The following SORCS3 variants were observed in gnomAD, a reference collection of about 807,000 sequenced individuals.
SORCS3 encodes VPS10 domain-containing receptor SorCS3.
In SORCS3, 57 loss-of-function variants were observed where a neutral mutation model predicts 146.3. The ratio of observed to expected loss-of-function variants is 0.39; its 90% confidence interval spans 0.31 to 0.49. The LOEUF is 0.49. SORCS3 is among the 20% of genes least tolerant of loss of function. The pLI, the probability that SORCS3 is intolerant of heterozygous loss-of-function variation, is 0.92. For synonymous variants in SORCS3, 653 were observed against 618.5 expected, an observed-to-expected ratio of 1.06 and a Z score of -0.83; for missense variants, 1,341 against 1,575.5, an observed-to-expected ratio of 0.85 and a Z score of 2.52.
chr10:105,026,743 C>T (rs900942623), intron 4 of SORCS3, among the ~76,000 whole-genome samples: 4 of 152,082 alleles, frequency 2.6e-5, no homozygotes, highest in Middle Eastern at 3.2e-3. Context: ...AACCAAATAC[C>T]ACGTGTTCTC....
At chr10:105,046,419 A>T (rs968417220) in intron 5 of SORCS3, among the ~76,000 whole-genome samples, 3 of 152,056 alleles carry the variant, frequency 2.0e-5, no homozygotes. Flanking sequence ...GGCAAGTAGC[A>T]GCTTAGAGGG....
At chr10:104,822,532 C>T (rs892241785) in intron 1 of SORCS3, among the ~76,000 whole-genome samples, 9 of 152,158 alleles carry the variant, frequency 5.9e-5, no homozygotes, top group East Asian at 1.9e-4. Flanking sequence ...CACCATCAGC[C>T]GCTGGAGGTT....
At chr10:105,199,790 T>C (rs1221044635) in intron 14 of SORCS3, among the ~76,000 whole-genome samples, 1 of 152,196 alleles carries the variant, frequency 6.6e-6, no homozygotes, top group Non-Finnish European at 1.5e-5. Context: ...AAATGGTTGA[T>C]TTAAAACCCA....
At chr10:105,255,186 C>CAAA (rs35150065) in intron 23 of SORCS3, among the ~76,000 whole-genome samples, 775 of 32,584 alleles carry the variant, frequency 0.024, 36 homozygotes, top group Non-Finnish European at 0.035. Flanking sequence ...GACTCAGTCT[C>CAAA]AAAAAAAAAA....
intron 1 of SORCS3, among the ~76,000 whole-genome samples, chr10:104,687,458 C>T (rs540787211): frequency 6.6e-6 from 1 of 152,290 alleles, no homozygotes; most frequent in East Asian, 1.9e-4. Context: ...AATGAGACAA[C>T]CCCACATTCA....
chr10:105,009,527 CAAA>C (rs35368294), intron 4 of SORCS3, among the ~76,000 whole-genome samples: 40,216 of 108,600 alleles, frequency 0.37, 7,616 homozygotes, highest in African/African-American at 0.57. Context: ...AACAAACAAA[CAAA>C]AAAAAAAAAA....
At chr10:104,789,759 A>G (rs2133499142) in intron 1 of SORCS3, among the ~76,000 whole-genome samples, 1 of 152,330 alleles carries the variant, frequency 6.6e-6, no homozygotes, top group Admixed American at 6.5e-5. Flanking sequence ...GTGTAGCTGT[A>G]TGTGGGGATG....
At chr10:105,076,392 C>T (rs1323327384) in intron 5 of SORCS3, among the ~76,000 whole-genome samples, 1 of 152,134 alleles carries the variant, frequency 6.6e-6, no homozygotes, top group Non-Finnish European at 1.5e-5. Context: ...AATTGCAGGG[C>T]GGTGAGATTT....
intron 3 of SORCS3, among the ~76,000 whole-genome samples, chr10:104,959,422 A>C (rs1243327428): frequency 6.6e-6 from 1 of 152,140 alleles, no homozygotes; most frequent in African/African-American, 2.4e-5. Flanking sequence ...TCCTCATTAC[A>C]TCACATGAGG....
intron 1 of SORCS3, among the ~76,000 whole-genome samples, chr10:104,701,299 A>G (rs745929774): frequency 9.9e-5 from 15 of 152,236 alleles, no homozygotes; most frequent in Non-Finnish European, 2.1e-4. Flanking sequence ...GATTTTCTCC[A>G]TTTGGCTGAT....
At chr10:105,158,110 G>C (rs1422859932) in intron 10 of SORCS3, among the ~76,000 whole-genome samples, 1 of 152,024 alleles carries the variant, frequency 6.6e-6, no homozygotes, top group African/African-American at 2.4e-5. Flanking sequence ...TACTAGGAGG[G>C]TCAGAGAGAA....
At chr10:105,142,520 G>A (rs1418872) in intron 8 of SORCS3, among the ~76,000 whole-genome samples, 44,273 of 151,974 alleles carry the variant, frequency 0.29, 6,637 homozygotes, top group Middle Eastern at 0.35. Context: ...CTTTCCTCAA[G>A]CCCCTGAACT....
intron 1 of SORCS3, among the ~76,000 whole-genome samples, chr10:104,698,851 G>C (rs1280365464): frequency 6.6e-6 from 1 of 152,090 alleles, no homozygotes; most frequent in Non-Finnish European, 1.5e-5. Flanking sequence ...GGATTTTGGG[G>C]AAAGTAGGGT....
chr10:104,700,492 T>C (rs75158716), intron 1 of SORCS3, among the ~76,000 whole-genome samples: 2,170 of 152,306 alleles, frequency 0.014, 46 homozygotes, highest in African/African-American at 0.045. Flanking sequence ...CCTTTCTTCA[T>C]TTTATCCCTG....
chr10:104,867,069 A>G (rs1203574038), intron 2 of SORCS3, among the ~76,000 whole-genome samples: 3 of 152,158 alleles, frequency 2.0e-5, no homozygotes, highest in African/African-American at 7.2e-5. Context: ...AAGATAGACC[A>G]TGTCTCTGCT....
chr10:104,883,188 A>G (rs2018647670), intron 2 of SORCS3, among the ~76,000 whole-genome samples: 1 of 152,196 alleles, frequency 6.6e-6, no homozygotes, highest in Non-Finnish European at 1.5e-5. Context: ...AGTGGATTTG[A>G]CAGCAGAGGT....
At chr10:104,740,345 A>G (rs529129861) in intron 1 of SORCS3, among the ~76,000 whole-genome samples, 2 of 152,322 alleles carry the variant, frequency 1.3e-5, no homozygotes, top group Middle Eastern at 6.8e-3. Flanking sequence ...AAAAGTAGGA[A>G]GTTATCTGGA....
At chr10:105,251,117 G>A (rs1416809043) in intron 22 of SORCS3, among the ~76,000 whole-genome samples, 1 of 152,158 alleles carries the variant, frequency 6.6e-6, no homozygotes, top group Non-Finnish European at 1.5e-5. Flanking sequence ...ACCCGAAACT[G>A]GGTAATTTAT....
chr10:105,231,950 G>A (rs1488789376), intron 20 of SORCS3, among the ~76,000 whole-genome samples: 1 of 151,992 alleles, frequency 6.6e-6, no homozygotes, highest in African/African-American at 2.4e-5. Context: ...GAGAATTATT[G>A]ATCTTTAGTT....
Sources: allele counts gnomAD v4.1 joint callset (sites outside exome capture counted in the v4.1 genomes callset), GRCh38; gene constraint gnomAD v4.1.1; transcripts MANE v1.5; gene names NCBI Gene and HGNC (gene_info 2026-07-23, HGNC 2026-07-21).